Variants in CCDC146 observed in about 807,000 individuals in gnomAD.
CCDC146 encodes the protein coiled-coil domain containing 146.
In CCDC146, 92 loss-of-function variants were observed where a neutral mutation model predicts 119.3. That is an observed-to-expected ratio of 0.77 (90% confidence interval 0.65 to 0.92). CCDC146 has a LOEUF of 0.92. Among genes scored for constraint, CCDC146 ranks in the 40% least tolerant of loss-of-function variants. CCDC146 has a pLI of 0.00. For missense variants in CCDC146, 1,000 were observed against 1,103.0 expected, an observed-to-expected ratio of 0.91 and a Z score of 1.32; for synonymous variants, 372 against 371.8, an observed-to-expected ratio of 1.00 and a Z score of -0.01.
intron 1 of CCDC146, among the ~76,000 whole-genome samples, chr7:77,162,333 A>G (rs1488624836): frequency 6.6e-6 from 1 of 152,136 alleles, no homozygotes; most frequent in Non-Finnish European, 1.5e-5. Flanking sequence ...TGTGATGTAA[A>G]ACAAGGGCCT....
intron 2 of CCDC146, among the ~76,000 whole-genome samples, chr7:77,173,627 C>CA (rs1183026458): frequency 6.6e-6 from 1 of 152,134 alleles, no homozygotes; most frequent in Non-Finnish European, 1.5e-5. Context: ...AACTGCGTCT[C>CA]AAAAACAAAA....
At chr7:77,191,110 G>A (rs536531332) in intron 2 of CCDC146, among the ~76,000 whole-genome samples, 1 of 152,106 alleles carries the variant, frequency 6.6e-6, no homozygotes, top group East Asian at 1.9e-4. Context: ...ATAGGTTCTT[G>A]GAAACAGCAA....
chr7:77,287,726 G>T (rs1268048502), intron 17 of CCDC146, 149 bp downstream of exon 17: 2 of 813,694 alleles, frequency 2.5e-6, no homozygotes, highest in South Asian at 2.6e-5. Flanking sequence ...ATGACTCAGA[G>T]AATTGTCCAA....
At chr7:77,181,180 G>A (rs910336281) in intron 2 of CCDC146, among the ~76,000 whole-genome samples, 1 of 152,148 alleles carries the variant, frequency 6.6e-6, no homozygotes, top group Non-Finnish European at 1.5e-5. Flanking sequence ...CAGAGGGAGA[G>A]GGCTGAACTG....
At chr7:77,192,785 A>T (rs1210731946) in intron 2 of CCDC146, among the ~76,000 whole-genome samples, 2 of 151,940 alleles carry the variant, frequency 1.3e-5, no homozygotes, top group Admixed American at 6.6e-5. Context: ...TAGCTGGGCG[A>T]GGTGGCAGGC....
At position 77,271,513 on chromosome 7, in the gene CCDC146, GATATATAT is replaced by G. The variant is rs56661430; in HGVS notation, c.1174-2132_1174-2125del. Reference sequence around the variant, plus strand: ...TATATATACACACACACTAATAGGAGATATATATATATATATATATATATATATATATA... The same window carrying G: ...TATATATACACACACACTAATAGGAGATATATATATATATATATATATATA... On this transcript the variant is annotated intron_variant, in intron 9 of 18. Transcript: ENST00000285871. Among the ~76,000 whole-genome samples the G allele has an allele frequency of 2.7e-3, 191 of 71,268 alleles. 1 individual carries two copies. Among genetic ancestry groups the G allele is most frequent in the East Asian group, 7.4e-3 (13 of 1,756 alleles). The allele number at this position is 71,268 out of a possible 152,430, so 46.8% of individuals were successfully genotyped here. A position where few individuals can be genotyped will look rare whatever the true frequency, so the allele number is the denominator to read the frequency against.
In CCDC146 at chr7:77,139,081, A is replaced by G. The variant is rs181366864; in HGVS notation, c.-12+16349A>G. Among the ~76,000 whole-genome samples, 536 of 152,362 alleles carry G rather than the reference A, an allele frequency of 3.5e-3. 5 individuals carry two copies. The highest frequency in any genetic ancestry group is 3.5e-3 in the Non-Finnish European group (235 of 68,034). Reference sequence around the variant, plus strand: ...CATAGATGTTTAAGCAGTTTTATTTATGATTGCCAAAACTAGGAAGCAACC... The same window carrying G: ...CATAGATGTTTAAGCAGTTTTATTTGTGATTGCCAAAACTAGGAAGCAACC... On this transcript the variant is annotated intron_variant, in intron 1 of 18. Coordinates refer to ENST00000285871, the MANE Select transcript of CCDC146 (RefSeq NM_020879.3).
chr7:77,199,095 C>T, intron 2 of CCDC146: 1 of 1,162,370 alleles, frequency 8.6e-7, no homozygotes, highest in Non-Finnish European at 1.2e-6. Flanking sequence ...ATCTATTTAA[C>T]TTACTGACTC....
At chr7:77,274,785 A>C (rs1793598963) in intron 11 of CCDC146, 133 bp downstream of exon 11, 2 of 657,032 alleles carry the variant, frequency 3.0e-6, no homozygotes, top group Non-Finnish European at 5.1e-6. Flanking sequence ...AGGACAAAAA[A>C]CCAAACATTG....
intron 1 of CCDC146, among the ~76,000 whole-genome samples, chr7:77,139,510 A>G (rs371009479): frequency 6.6e-6 from 1 of 152,344 alleles, no homozygotes; most frequent in Non-Finnish European, 1.5e-5. Context: ...AACGTAAACG[A>G]TGGACTCTAG....
At position 77,149,340 on chromosome 7, in the gene CCDC146, A is replaced by C. The variant is rs967320140; in HGVS notation, c.-11-18318A>C. ...ACAAAAATTAACTTAAGATGGATTA[A>C]AGACCGTCAGCTTTTTAAAAATAGA... On this transcript the variant is annotated intron_variant, in intron 1 of 18. Coordinates refer to ENST00000285871, the MANE Select transcript of CCDC146 (RefSeq NM_020879.3). Among the ~76,000 whole-genome samples, 7 of 152,250 alleles carry C rather than the reference A, an allele frequency of 4.6e-5. No homozygotes were observed. The South Asian group carries it at 1.4e-3, about 31-fold the overall frequency.
intron 2 of CCDC146, among the ~76,000 whole-genome samples, chr7:77,223,118 C>T (rs904314761): frequency 2.6e-5 from 4 of 152,304 alleles, no homozygotes; most frequent in African/African-American, 9.6e-5. Flanking sequence ...CTCGGGCTCA[C>T]AGCCACTCCA....
chr7:77,158,327 A>G (rs574075104), intron 1 of CCDC146, among the ~76,000 whole-genome samples: 100 of 152,210 alleles, frequency 6.6e-4, no homozygotes, highest in Admixed American at 2.8e-3. Flanking sequence ...CCTGATGGCT[A>G]TGTAGTTCTT....
intron 9 of CCDC146, among the ~76,000 whole-genome samples, chr7:77,265,302 C>G (rs1230880060): frequency 1.3e-5 from 2 of 152,114 alleles, no homozygotes; most frequent in Non-Finnish European, 2.9e-5. Context: ...GTTTATTGAT[C>G]AAATAACTGT....
At chr7:77,218,225 G>A (rs1158602627) in intron 2 of CCDC146, among the ~76,000 whole-genome samples, 1 of 151,684 alleles carries the variant, frequency 6.6e-6, no homozygotes, top group Non-Finnish European at 1.5e-5. Context: ...GTAGGTATGT[G>A]TGTATATTTA....
chr7:77,154,778 C>T (rs893102437), intron 1 of CCDC146, among the ~76,000 whole-genome samples: 1 of 152,118 alleles, frequency 6.6e-6, no homozygotes, highest in African/African-American at 2.4e-5. Flanking sequence ...GTGCATGTGT[C>T]TTTATAGCAG....
chr7:77,175,441 C>T (rs536817126), intron 2 of CCDC146, among the ~76,000 whole-genome samples: 6 of 149,618 alleles, frequency 4.0e-5, no homozygotes, highest in South Asian at 4.2e-4. Flanking sequence ...AGTAAAACTA[C>T]GAATCAAAAT....
At chr7:77,290,240 G>C (rs185019933) in intron 17 of CCDC146, among the ~76,000 whole-genome samples, 13 of 129,310 alleles carry the variant, frequency 1.0e-4, no homozygotes, top group South Asian at 2.9e-4. Flanking sequence ...GTCATGGGGT[G>C]GGGGGAGGGA....
intron 16 of CCDC146, 192 bp from the exon 17 acceptor site, chr7:77,287,248 A>T: frequency 1.6e-6 from 1 of 613,824 alleles, no homozygotes; most frequent in Non-Finnish European, 2.9e-6. Context: ...TGTTAGATAG[A>T]GCTGAGGGGG....
Sources: gnomAD v4.1 joint callset for allele counts (sites outside exome capture counted in the v4.1 genomes callset) on GRCh38, gnomAD v4.1.1 for gene constraint, MANE v1.5 for transcripts, NCBI Gene and HGNC (gene_info 2026-07-23, HGNC 2026-07-21) for gene names.